ATP5PO: variants seen among roughly 807,000 people sequenced by gnomAD.
ATP5PO encodes the protein ATP synthase peripheral stalk subunit OSCP, mitochondrial.
Under a neutral mutation model 26.2 loss-of-function variants are expected in ATP5PO, and 14 were observed. That is an observed-to-expected ratio of 0.53 (90% CI 0.35 to 0.83). ATP5PO has a LOEUF of 0.83. Ranked by LOEUF, ATP5PO falls within the 40% of genes least tolerant of loss-of-function variation. The pLI, the probability that ATP5PO is intolerant of heterozygous loss-of-function variation, is 0.01. For missense variants in ATP5PO, 241 were observed against 258.5 expected, an observed-to-expected ratio of 0.93 and a Z score of 0.46; for synonymous variants, 106 against 95.1, an observed-to-expected ratio of 1.12 and a Z score of -0.67.
chr21:33,914,352 A>T, intron 2 of ATP5PO, 98 bp downstream of exon 2: 1 of 1,211,400 alleles, frequency 8.3e-7, no homozygotes, highest in Non-Finnish European at 1.2e-6. Context: ...AAAAAGGTTT[A>T]GATAGTAACT....
chr21:33,906,847 C>T (rs1987179643), intron 5 of ATP5PO: 9 of 446,490 alleles, frequency 2.0e-5, no homozygotes, highest in South Asian at 6.4e-5. Flanking sequence ...AAAAATTAGC[C>T]GGGTGTGGTG....
At chr21:33,908,425 C>A (rs1987204052) in intron 4 of ATP5PO, among the ~76,000 whole-genome samples, 1 of 151,864 alleles carries the variant, frequency 6.6e-6, no homozygotes, top group African/African-American at 2.4e-5. Context: ...GAAAAGCAAT[C>A]CAGGCTGCAT....
At chr21:33,915,694 C>G (rs773498022) in intron 1 of ATP5PO, 34 bp downstream of exon 1, 10 of 1,559,242 alleles carry the variant, frequency 6.4e-6, no homozygotes, top group Non-Finnish European at 6.9e-6. Context: ...AGGAGGGATC[C>G]TCCCACTGGC....
At chr21:33,913,617 A>C (rs1188414187) in intron 2 of ATP5PO, among the ~76,000 whole-genome samples, 2 of 152,084 alleles carry the variant, frequency 1.3e-5, no homozygotes, top group Non-Finnish European at 2.9e-5. Flanking sequence ...AGTCCTCTTT[A>C]TCCGGGGTCA....
chr21:33,909,265 G>A, intron 3 of ATP5PO, 54 bp from the exon 4 acceptor site: 3 of 1,570,550 alleles, frequency 1.9e-6, no homozygotes, highest in Non-Finnish European at 2.6e-6. Context: ...AATGAAGGAT[G>A]TGCCATGCAC....
At chr21:33,910,435 C>A (rs1036459793) in intron 3 of ATP5PO, among the ~76,000 whole-genome samples, 32 of 152,128 alleles carry the variant, frequency 2.1e-4, no homozygotes, top group African/African-American at 7.0e-4. Context: ...GAGGACAGTG[C>A]GTATCCTTGT....
chr21:33,915,292 A>G (rs748747361), intron 1 of ATP5PO: 1 of 189,028 alleles, frequency 5.3e-6, no homozygotes, highest in African/African-American at 2.4e-5. Flanking sequence ...ACTCATTTAA[A>G]CTTTTCGGCC....
intron 5 of ATP5PO, chr21:33,906,607 T>C: frequency 2.6e-6 from 1 of 386,782 alleles, no homozygotes; most frequent in Non-Finnish European, 5.2e-6. Flanking sequence ...GGTAGCCAAT[T>C]ATAGCCCACT....
chr21:33,903,737 G>A, intron 6 of ATP5PO, 98 bp from the exon 7 acceptor site: 1 of 1,335,870 alleles, frequency 7.5e-7, no homozygotes, highest in Non-Finnish European at 1.1e-6. Context: ...ACAAATGTAA[G>A]AGGTTATAAT....
chr21:33,912,226 A>C (rs990760109), intron 3 of ATP5PO, 63 bp downstream of exon 3: 15 of 1,465,562 alleles, frequency 1.0e-5, no homozygotes, highest in Middle Eastern at 2.3e-4. Flanking sequence ...GAATGCACAA[A>C]CAACCAAAGG....
At position 33,912,297 on chromosome 21, in the gene ATP5PO, T is replaced by C; in HGVS notation, c.190A>G (p.Arg64Gly). Residue 64 changes from arginine (R) to glycine (G), a missense_variant, in exon 3 of 7, where the codon AGA (arginine) becomes GGA (glycine). Arg to Gly is a moderately radical substitution (Grantham distance 125). Around this residue, in one of 3 missense-constraint regions of ATP5PO, gnomAD observed 125 missense variants for 108.5 expected, o/e 1.15. Transcript: ENST00000290299. ...ATAGGAAAGCTACTTACTGCTACTC[T>C]CAACAACTCCTTTTCTACTTGCTCC... ...KLEQVEKELLRVAQILKEPKV... is the reference protein window; with the variant it reads ...KLEQVEKELLGVAQILKEPKV... The C allele has an allele frequency of 6.2e-7, 1 of 1,611,032 alleles. No individual in the cohort carries two copies. The highest frequency in any genetic ancestry group is 8.5e-7 in the Non-Finnish European group (1 of 1,178,074).
intron 2 of ATP5PO, among the ~76,000 whole-genome samples, chr21:33,913,165 T>C (rs561594415): frequency 7.2e-5 from 11 of 152,326 alleles, no homozygotes; most frequent in African/African-American, 2.6e-4. Context: ...TCCTTAACAC[T>C]GTTATGAAGT....
chr21:33,903,876 T>C (rs1602768482), intron 6 of ATP5PO, 59 bp downstream of exon 6: 3 of 1,455,858 alleles, frequency 2.1e-6, no homozygotes, highest in Non-Finnish European at 9.4e-7. Context: ...GTACTTTCTG[T>C]AGCCATTTTA....
rs1256958746 is a variant in ATP5PO at position 33,912,389 on chromosome 21, T to C, written c.98A>G (p.Gln33Arg). The part of the protein sequence containing the change: ...PFAKLVRPPV[Q>R]VYGIEGRYAT... ...ATAGCGACCTTCAATACCGTATACCTGAACAGGAGGCTTTAAAAAAAAGGT... is the reference window on the plus strand; with the variant it reads ...ATAGCGACCTTCAATACCGTATACCCGAACAGGAGGCTTTAAAAAAAAGGT... Residue 33 changes from glutamine to arginine, a missense_variant, in exon 3 of 7, where the codon CAG becomes CGG. This residue lies in a region of ATP5PO where 125 missense variants were observed against 108.5 expected (regional missense o/e 1.15). Coordinates refer to ENST00000290299, the MANE Select transcript of ATP5PO (RefSeq NM_001697.3). 2 of 1,606,296 alleles carry C rather than the reference T, an allele frequency of 1.2e-6. No individual in the cohort carries two copies. Among genetic ancestry groups the C allele is most frequent in the Non-Finnish European group, 1.7e-6 (2 of 1,175,688 alleles).
chr21:33,909,445 T>C (rs577171662), intron 3 of ATP5PO, among the ~76,000 whole-genome samples: 18 of 152,218 alleles, frequency 1.2e-4, no homozygotes, highest in African/African-American at 4.3e-4. Context: ...TTTGTATTTT[T>C]AGTAGAAACG....
intron 3 of ATP5PO, among the ~76,000 whole-genome samples, chr21:33,911,093 G>A (rs945401778): frequency 2.6e-5 from 4 of 152,162 alleles, no homozygotes; most frequent in East Asian, 1.9e-4. Context: ...ACCAGACTGC[G>A]TCTCCCTCAC....
At chr21:33,912,497 G>T (rs1226422800) in intron 2 of ATP5PO, 98 bp from the exon 3 acceptor site, 13 of 784,634 alleles carry the variant, frequency 1.7e-5, no homozygotes, top group Non-Finnish European at 2.3e-5. Flanking sequence ...TTTAAAAAAT[G>T]TATCTCTTTA....
chr21:33,905,401 G>A (rs1305278343), intron 5 of ATP5PO, among the ~76,000 whole-genome samples: 1 of 152,054 alleles, frequency 6.6e-6, no homozygotes, highest in Non-Finnish European at 1.5e-5. Flanking sequence ...CTCAGGGTGG[G>A]TAAGAAACTC....
chr21:33,906,154 A>G (rs1339964810), intron 5 of ATP5PO, among the ~76,000 whole-genome samples: 1 of 152,136 alleles, frequency 6.6e-6, no homozygotes, highest in Non-Finnish European at 1.5e-5. Context: ...GCAAGTAAGT[A>G]TGATGTGCTA....
Sources: allele counts gnomAD v4.1 joint callset (sites outside exome capture counted in the v4.1 genomes callset), GRCh38; gene constraint gnomAD v4.1.1; regional missense constraint gnomAD v4.1.1; transcripts MANE v1.5; gene names NCBI Gene and HGNC (gene_info 2026-07-23, HGNC 2026-07-21).